RNFT2: variants seen among roughly 807,000 people sequenced by gnomAD.
RNFT2 encodes the protein ring finger protein, transmembrane 2.
A neutral mutation model predicts 53.0 loss-of-function variants in RNFT2; 36 were observed. That is an observed-to-expected ratio of 0.68 (90% CI 0.52 to 0.90). The LOEUF is 0.90. Among genes scored for constraint, RNFT2 ranks in the 40% least tolerant of loss-of-function variants. The pLI is 0.00. For synonymous variants in RNFT2, 260 were observed against 253.2 expected (o/e 1.03, Z -0.26); for missense variants, 514 against 585.6 (o/e 0.88, Z 1.26).
At chr12:116,795,648 C>T (rs996356186) in intron 7 of RNFT2, among the ~76,000 whole-genome samples, 1 of 152,236 alleles carries the variant, frequency 6.6e-6, no homozygotes, top group Non-Finnish European at 1.5e-5. Flanking sequence ...ATGCAGAAAA[C>T]GCTGTTCTAG....
At chr12:116,827,663 C>T (rs893049705) in intron 7 of RNFT2, among the ~76,000 whole-genome samples, 1 of 152,248 alleles carries the variant, frequency 6.6e-6, no homozygotes, top group Non-Finnish European at 1.5e-5. Flanking sequence ...TATTTTCCTA[C>T]TGTAGTGACA....
At chr12:116,753,771 C>T (rs930260465) in intron 4 of RNFT2, among the ~76,000 whole-genome samples, 1 of 152,154 alleles carries the variant, frequency 6.6e-6, no homozygotes, top group African/African-American at 2.4e-5. Context: ...CCCACAGGGA[C>T]CTAAATCCTG....
At chr12:116,764,174 T>C (rs565108044) in intron 5 of RNFT2, among the ~76,000 whole-genome samples, 2 of 152,248 alleles carry the variant, frequency 1.3e-5, no homozygotes, top group African/African-American at 4.8e-5. Flanking sequence ...GGCATAAGAA[T>C]GATACAGTGG....
In RNFT2 at chr12:116,851,925, A is replaced by T. The variant is rs1165595492; in HGVS notation, c.*2477A>T. On this transcript the variant is annotated 3_prime_UTR_variant, in exon 11 of 11. Transcript: ENST00000257575. ...AGGCCTGTCAGCAGCTCCTGTGGACATTGCCATCCCCTCTGGTAGCCTTCA... is the reference window on the plus strand; with the variant it reads ...AGGCCTGTCAGCAGCTCCTGTGGACTTTGCCATCCCCTCTGGTAGCCTTCA... The T allele has an allele frequency of 3.9e-6, 6 of 1,533,742 alleles. No homozygotes were observed. Among genetic ancestry groups the T allele is most frequent in the Non-Finnish European group, 5.2e-6 (6 of 1,146,070 alleles).
intron 6 of RNFT2, among the ~76,000 whole-genome samples, chr12:116,769,948 T>C (rs1180871317): frequency 6.6e-6 from 1 of 152,164 alleles, no homozygotes; most frequent in Non-Finnish European, 1.5e-5. Flanking sequence ...GGCAGGAGAA[T>C]CATTTGAACC....
rs1873582941 is a variant in RNFT2, at chr12:116,779,289, A to G, written c.823A>G (p.Ile275Val). 6.2e-6 allele frequency: 10 copies of G among 1,614,020 alleles called. No individual in the cohort carries two copies. The highest frequency in any genetic ancestry group is 1.6e-4 in the Middle Eastern group (1 of 6,062). ...IADFVLKYIT[I>V]ALKCLIVALP... ...AGACTTTGTTCTGAAGTACATCACC[A>G]TCGCCCTCAAGTGCCTCATCGTGGC... The change falls in exon 7 of 11, where the codon ATC becomes GTC. Residue 275 changes from isoleucine to valine, a missense_variant. Transcript: ENST00000257575.
chr12:116,787,718 G>GA (rs55938203), intron 7 of RNFT2, among the ~76,000 whole-genome samples: 2,096 of 141,126 alleles, frequency 0.015, 63 homozygotes, highest in African/African-American at 0.052. Context: ...GTCTCTAAAA[G>GA]AAAAAAAAAA....
intron 3 of RNFT2, among the ~76,000 whole-genome samples, chr12:116,748,388 C>G (rs1292697363): frequency 6.6e-6 from 1 of 152,168 alleles, no homozygotes; most frequent in African/African-American, 2.4e-5. Context: ...GAGGCCCTTG[C>G]TTGGAACTAG....
intron 7 of RNFT2, among the ~76,000 whole-genome samples, chr12:116,789,427 GTGGATGGATGGTAGATGGA>G (rs1351414798): frequency 1.4e-5 from 2 of 146,418 alleles, no homozygotes; most frequent in Admixed American, 6.8e-5. Flanking sequence ...AGAGTGGTGG[GTGGATGGATGGTAGATGGA>G]TGGATGGATG....
chr12:116,838,512 G>GTA (rs1477573542), intron 10 of RNFT2, among the ~76,000 whole-genome samples: 2 of 152,194 alleles, frequency 1.3e-5, no homozygotes, highest in African/African-American at 4.8e-5. Flanking sequence ...TTAGTATGCA[G>GTA]TATGACACAG....
At chr12:116,819,337 C>A (rs1028618213) in intron 7 of RNFT2, among the ~76,000 whole-genome samples, 1 of 152,190 alleles carries the variant, frequency 6.6e-6, no homozygotes, top group Admixed American at 6.5e-5. Context: ...GGCTCGGGGG[C>A]CTGGTACCGG....
chr12:116,792,149 A>G (rs1189710359), intron 7 of RNFT2, among the ~76,000 whole-genome samples: 1 of 152,152 alleles, frequency 6.6e-6, no homozygotes, highest in Non-Finnish European at 1.5e-5. Flanking sequence ...TCCCAGGTTC[A>G]AGCAATTCTC....
intron 3 of RNFT2, among the ~76,000 whole-genome samples, chr12:116,743,193 A>G (rs567048587): frequency 1.5e-5 from 2 of 135,478 alleles, no homozygotes; most frequent in African/African-American, 5.5e-5. Context: ...CCCTGTGATT[A>G]ATAGATACCA....
At chr12:116,756,616 G>A (rs1365203690) in intron 5 of RNFT2, among the ~76,000 whole-genome samples, 1 of 152,056 alleles carries the variant, frequency 6.6e-6, no homozygotes, top group Non-Finnish European at 1.5e-5. Flanking sequence ...TTCTGTTTAC[G>A]TGGTGTATCA....
chr12:116,758,155 T>A (rs1426359055), intron 5 of RNFT2, among the ~76,000 whole-genome samples: 1 of 152,262 alleles, frequency 6.6e-6, no homozygotes, highest in Admixed American at 6.5e-5. Flanking sequence ...CCTGCTTGCT[T>A]TTGGTGTCCA....
intron 6 of RNFT2, among the ~76,000 whole-genome samples, chr12:116,767,591 G>GT (rs899935797): frequency 1.3e-5 from 2 of 151,502 alleles, no homozygotes; most frequent in African/African-American, 4.9e-5. Context: ...GTTTTTTCTT[G>GT]TTTTTTGAGA....
At chr12:116,844,276 G>A (rs924651404) in intron 10 of RNFT2, among the ~76,000 whole-genome samples, 1 of 152,248 alleles carries the variant, frequency 6.6e-6, no homozygotes, top group African/African-American at 2.4e-5. Context: ...TGTAGCCCAG[G>A]CTGGAATGTA....
chr12:116,788,822 GGATA>G (rs1421241072), intron 7 of RNFT2, among the ~76,000 whole-genome samples: 1 of 71,124 alleles, frequency 1.4e-5, no homozygotes, highest in Non-Finnish European at 4.0e-5. Context: ...GTGGATGGAT[GGATA>G]GATGGATGGA....
chr12:116,849,306 C>A lies in RNFT2; in HGVS notation c.1201-8C>A. The A allele has an allele frequency of 1.3e-6, 2 of 1,532,468 alleles. No homozygotes were observed. The highest frequency in any genetic ancestry group is 1.8e-6 in the Non-Finnish European group (2 of 1,140,638). 94.9% of individuals were successfully genotyped at this position (1,532,468 alleles called of 1,614,324 possible). A position where few individuals can be genotyped will look rare whatever the true frequency, so the allele number is the denominator to read the frequency against. ...AGTCCTGGTGCCTGCTGATTGCTGT[C>A]CCCGCAGCACGTGTTCTGTGAGGAG... is the stretch of plus-strand genomic sequence containing the variant. On this transcript the variant is annotated splice_polypyrimidine_tract_variant and splice_region_variant and intron_variant, in intron 10 of 10. Coordinates refer to ENST00000257575, the MANE Select transcript of RNFT2 (RefSeq NM_001382266.1).
Sources: allele counts gnomAD v4.1 joint callset (sites outside exome capture counted in the v4.1 genomes callset), GRCh38; gene constraint gnomAD v4.1.1; transcripts MANE v1.5; gene names NCBI Gene and HGNC (gene_info 2026-07-23, HGNC 2026-07-21).